Variants in STK32C observed in about 807,000 individuals in gnomAD.
STK32C encodes the protein serine/threonine-protein kinase 32C.
A neutral mutation model predicts 56.5 loss-of-function variants in STK32C; 31 were observed. That is an observed-to-expected ratio of 0.55 (90% CI 0.41 to 0.74). The LOEUF (loss-of-function observed/expected upper bound fraction) is 0.74, where lower values mean the gene tolerates loss of function less well. Ranked by LOEUF, STK32C falls within the 30% of genes least tolerant of loss-of-function variation. The probability of loss-of-function intolerance (pLI) is 0.00; values close to 1 mark genes in which losing one functional copy is unlikely to be tolerated. For synonymous variants in STK32C, 309 were observed against 289.4 expected, an observed-to-expected ratio of 1.07 and a Z score of -0.69; for missense variants, 544 against 676.9, an observed-to-expected ratio of 0.80 and a Z score of 2.18.
intron 1 of STK32C, among the ~76,000 whole-genome samples, chr10:132,304,238 A>G (rs1481492650): frequency 6.6e-6 from 1 of 152,176 alleles, no homozygotes; most frequent in Non-Finnish European, 1.5e-5. Flanking sequence ...TCAGGGGAGC[A>G]CTGCAGAGTC....
At chr10:132,214,711 T>TG (rs1356073029) in intron 10 of STK32C, among the ~76,000 whole-genome samples, 1 of 152,222 alleles carries the variant, frequency 6.6e-6, no homozygotes, top group Admixed American at 6.5e-5. Flanking sequence ...ATGAAATGAA[T>TG]GACAGCAATG....
At chr10:132,220,266 T>TG (rs1565068840) in intron 10 of STK32C, among the ~76,000 whole-genome samples, 1 of 152,180 alleles carries the variant, frequency 6.6e-6, no homozygotes, top group African/African-American at 2.4e-5. Flanking sequence ...AAGCAGGGGC[T>TG]GGGGGGATGC....
chr10:132,224,356 G>A (rs1367231246), intron 8 of STK32C, 51 bp downstream of exon 8: 1 of 1,357,440 alleles, frequency 7.4e-7, no homozygotes. Context: ...GGTAAGTGAG[G>A]GAGGGAGGTG....
chr10:132,236,369 C>A (rs1332754650), intron 2 of STK32C, among the ~76,000 whole-genome samples: 3 of 152,244 alleles, frequency 2.0e-5, no homozygotes, highest in Non-Finnish European at 4.4e-5. Context: ...AAGGGGGTGA[C>A]CCGATGGGGT....
intron 1 of STK32C, among the ~76,000 whole-genome samples, chr10:132,289,823 C>T (rs191390385): frequency 2.0e-5 from 3 of 152,322 alleles, no homozygotes; most frequent in Admixed American, 2.0e-4. Context: ...CTAATACTGT[C>T]ACTCTGGAGG....
At position 132,232,530 on chromosome 10, in the gene STK32C, G is replaced by T. The variant is rs562448973; in HGVS notation, c.319-4402C>A. Among the ~76,000 whole-genome samples, 5 of 152,154 alleles carry T rather than the reference G, an allele frequency of 3.3e-5. No homozygotes were observed. The East Asian group carries it at 7.7e-4, about 24-fold the overall frequency. On this transcript the variant is annotated intron_variant, in intron 2 of 11. Coordinates refer to ENST00000298630, the MANE Select transcript of STK32C (RefSeq NM_173575.4). The stretch of plus-strand genomic sequence containing the variant: ...CCGGCGGCCTTTTATGACCAGGCCT[G>T]GGGGGCTGAGGGCAGGCAGGTCCGA...
In STK32C at chr10:132,307,305, G is replaced by C. The variant is rs967613873; in HGVS notation, c.262+267C>G. On this transcript the variant is annotated intron_variant, in intron 1 of 11. Transcript: ENST00000298630. This position sits in a 1 kb window ranked among gnomAD's most constrained non-coding sequence, Gnocchi z 4.4. ...GGGCGGAGGCGCGCGCAAGCCCGGA[G>C]ACGCCACAGCCGCGGGGGACCCTCG... The C allele has an allele frequency of 3.3e-6, 1 of 307,566 alleles. No individual in the cohort carries two copies. Among genetic ancestry groups the C allele is most frequent in the East Asian group, 6.1e-5 (1 of 16,274 alleles). 19.1% of individuals were successfully genotyped at this position (307,566 alleles called of 1,614,324 possible).
chr10:132,265,709 G>A (rs1418164574), intron 1 of STK32C, among the ~76,000 whole-genome samples: 2 of 152,374 alleles, frequency 1.3e-5, no homozygotes, highest in Middle Eastern at 3.4e-3. Flanking sequence ...TGGGCAAGAG[G>A]CCCAGGCAGA....
chr10:132,331,617 G>A (rs1319735361), exon 1 of STK32C: 4 of 1,612,908 alleles, frequency 2.5e-6, no homozygotes, highest in Non-Finnish European at 3.4e-6. Context: ...CCAGCGGGAA[G>A]GACAGGCAGC....
chr10:132,316,106 A>C (rs1439819433), intron 1 of STK32C, among the ~76,000 whole-genome samples: 2 of 152,240 alleles, frequency 1.3e-5, no homozygotes, highest in Non-Finnish European at 2.9e-5. Context: ...AAGAAGCTAA[A>C]AAAACCATTC....
chr10:132,330,672 ATTTTT>A (rs57850207), intron 1 of STK32C, among the ~76,000 whole-genome samples: 39 of 126,950 alleles, frequency 3.1e-4, no homozygotes, highest in Non-Finnish European at 4.2e-4. Flanking sequence ...CACACCCAGC[ATTTTT>A]TTTTTTTTTT....
At chr10:132,222,432 T>C (rs2062711429) in intron 10 of STK32C, among the ~76,000 whole-genome samples, 1 of 152,168 alleles carries the variant, frequency 6.6e-6, no homozygotes, top group Non-Finnish European at 1.5e-5. Flanking sequence ...CCAGCCCTGG[T>C]TGTCCCTGCC....
At chr10:132,269,781 G>T (rs11146296) in intron 1 of STK32C, among the ~76,000 whole-genome samples, 2 of 152,128 alleles carry the variant, frequency 1.3e-5, no homozygotes, top group African/African-American at 4.8e-5. Flanking sequence ...CTGTGGGAGC[G>T]CTGACTCCAG....
At chr10:132,322,915 T>G (rs1016313885), downstream of STK32C, among the ~76,000 whole-genome samples, 2 of 152,274 alleles carry the variant, frequency 1.3e-5, no homozygotes, top group East Asian at 3.9e-4. Context: ...CTGAACACAT[T>G]TGATCGCTTA....
rs72856716 is a variant in STK32C at position 132,227,437 on chromosome 10, C to T, written c.471-469G>A. On this transcript the variant is annotated intron_variant, in intron 3 of 11. Coordinates refer to ENST00000298630, the MANE Select transcript of STK32C (RefSeq NM_173575.4). ...ATGGCAGTGATGGTGGTGGTGGTGA[C>T]GGTGATGGTGAGGATGACGGTAGTG... Among the ~76,000 whole-genome samples, 515 of 151,790 alleles carry T rather than the reference C, an allele frequency of 3.4e-3. 5 individuals are homozygous for T. The highest frequency in any genetic ancestry group is 0.027 in the South Asian group (129 of 4,774).
At chr10:132,244,254 C>T (rs1032711375) in intron 2 of STK32C, among the ~76,000 whole-genome samples, 1 of 152,198 alleles carries the variant, frequency 6.6e-6, no homozygotes, top group African/African-American at 2.4e-5. Context: ...ACGACTACCC[C>T]GCATCTGAAC....
chr10:132,261,013 C>G (rs1406077652), intron 1 of STK32C, among the ~76,000 whole-genome samples: 3 of 151,460 alleles, frequency 2.0e-5, no homozygotes, highest in Non-Finnish European at 4.4e-5. Context: ...GGGAAGCTGT[C>G]CGACTGGCAT....
At position 132,307,709 on chromosome 10, in the gene STK32C, T is replaced by G; in HGVS notation, c.125A>C (p.Gln42Pro). ...ATCGCCCGAGTCCCGGGCCCGGGGC[T>G]GGCCAGCAGCGGGCGGCGGCAGGGC... is the stretch of plus-strand genomic sequence containing the variant. ...PSALPPPAAG[Q>P]PRARDSGDVR... The change falls in exon 1 of 12, where the codon CAG (glutamine) becomes CCG (proline). Residue 42 changes from glutamine to proline, a missense_variant. Physicochemically the swap from Gln to Pro is moderately conservative, Grantham distance 76 (BLOSUM62 -1). Coordinates refer to ENST00000298630, the MANE Select transcript of STK32C (RefSeq NM_173575.4). This position sits in a 1 kb window ranked among gnomAD's most constrained non-coding sequence, Gnocchi z 4.4. The G allele has an allele frequency of 4.4e-6, 6 of 1,357,950 alleles. No homozygotes were observed. The highest frequency in any genetic ancestry group is 4.8e-6 in the Non-Finnish European group (5 of 1,044,272). 84.1% of individuals were successfully genotyped at this position (1,357,950 alleles called of 1,614,324 possible).
rs80283937 is a variant in STK32C, at chr10:132,288,499, G to A, written c.262+19073C>T. On this transcript the variant is annotated intron_variant, in intron 1 of 11. Transcript: ENST00000298630. ...GGACTTCCTGTAAAGGGTCAAGGGC[G>A]AGCTTTCTGAGGTGACAGACATATT... Among the ~76,000 whole-genome samples the A allele has an allele frequency of 1.8e-3, 278 of 152,326 alleles. No individual in the cohort carries two copies. In the East Asian group the frequency reaches 0.03, roughly 16 times the overall value.
Sources: gnomAD v4.1 joint callset for allele counts (sites outside exome capture counted in the v4.1 genomes callset) on GRCh38, gnomAD v4.1.1 for gene constraint, Gnocchi (gnomAD v3.1) non-coding constraint, MANE v1.5 for transcripts, NCBI Gene and HGNC (gene_info 2026-07-23, HGNC 2026-07-21) for gene names.